EPHA6: variants seen among roughly 807,000 people sequenced by gnomAD.
The protein encoded by EPHA6 is ephrin type-A receptor 6.
In EPHA6, 50 loss-of-function variants were observed where a neutral mutation model predicts 112.0. The ratio of observed to expected loss-of-function variants is 0.45; its 90% CI spans 0.36 to 0.56. EPHA6 has a LOEUF of 0.56. EPHA6 is among the 20% of genes least tolerant of loss of function. The pLI is 0.00. For synonymous variants in EPHA6, 529 were observed against 490.7 expected (o/e 1.08, Z -1.03); for missense variants, 1,280 against 1,417.4 (o/e 0.90, Z 1.56).
intron 5 of EPHA6, among the ~76,000 whole-genome samples, chr3:97,325,657 T>C (rs1440501465): frequency 6.6e-6 from 1 of 152,090 alleles, no homozygotes; most frequent in African/African-American, 2.4e-5. Context: ...GTGATGGTAT[T>C]TCTCTCACTT....
chr3:97,520,146 C>G (rs1314188466), intron 10 of EPHA6, among the ~76,000 whole-genome samples: 1 of 151,664 alleles, frequency 6.6e-6, no homozygotes, highest in Admixed American at 6.6e-5. Context: ...GTTGTGTGTT[C>G]TTAGTAGAGA....
intron 3 of EPHA6, among the ~76,000 whole-genome samples, chr3:97,035,602 C>A (rs1180331847): frequency 6.6e-6 from 1 of 151,828 alleles, no homozygotes; most frequent in Non-Finnish European, 1.5e-5. Flanking sequence ...GCCTTCAACA[C>A]TATAGGATTT....
rs551545103 is a variant in EPHA6, at chr3:97,474,014, AT to A, written c.1895-1331del. Among the ~76,000 whole-genome samples, 148 of 151,928 alleles carry A rather than the reference AT, an allele frequency of 9.7e-4. 2 individuals are homozygous for A. The Middle Eastern group carries it at 0.027, about 28-fold the overall frequency. Reference sequence around the variant, plus strand: ...CTCTTTTGTTTTTATTTACATTCAGATTTTTTTAAAAGTCTCTAAAGTGCTG... The same window carrying A: ...CTCTTTTGTTTTTATTTACATTCAGATTTTTTAAAAGTCTCTAAAGTGCTG... On this transcript the variant is annotated intron_variant, in intron 7 of 17. Coordinates refer to ENST00000389672, the MANE Select transcript of EPHA6 (RefSeq NM_001080448.3).
At chr3:97,436,008 GTATT>G (rs1214255503) in intron 6 of EPHA6, among the ~76,000 whole-genome samples, 3 of 152,132 alleles carry the variant, frequency 2.0e-5, no homozygotes, top group African/African-American at 7.2e-5. Flanking sequence ...TTATTACAAT[GTATT>G]TATTAGTATT....
At chr3:97,443,264 C>A (rs1197388088) in intron 6 of EPHA6, among the ~76,000 whole-genome samples, 3 of 150,626 alleles carry the variant, frequency 2.0e-5, no homozygotes, top group African/African-American at 7.4e-5. Flanking sequence ...CCATTAATAT[C>A]CTTTTTTATA....
chr3:97,699,327 A>G (rs1275353995), intron 14 of EPHA6, among the ~76,000 whole-genome samples: 2 of 152,248 alleles, frequency 1.3e-5, no homozygotes, highest in Admixed American at 6.5e-5. Flanking sequence ...TGTTCAGCAG[A>G]GACACTAATA....
At chr3:97,081,396 C>T (rs1470520766) in intron 3 of EPHA6, among the ~76,000 whole-genome samples, 1 of 151,860 alleles carries the variant, frequency 6.6e-6, no homozygotes, top group Non-Finnish European at 1.5e-5. Flanking sequence ...TTCAAAGAAA[C>T]ATTTTTTAAG....
chr3:97,266,732 C>T (rs2079698105), intron 5 of EPHA6, among the ~76,000 whole-genome samples: 4 of 151,974 alleles, frequency 2.6e-5, no homozygotes, highest in Admixed American at 2.6e-4. Context: ...TTTTTGTAAC[C>T]TTGTCTTGAT....
At chr3:96,903,804 A>G (rs1322665731) in intron 2 of EPHA6, among the ~76,000 whole-genome samples, 1 of 152,200 alleles carries the variant, frequency 6.6e-6, no homozygotes, top group African/African-American at 2.4e-5. Flanking sequence ...AAGGAAATGA[A>G]TAGACACTTC....
In EPHA6 at chr3:97,418,155, GA is replaced by G. The variant is rs945383390; in HGVS notation, c.1731+12887del. Among the ~76,000 whole-genome samples, 9 of 150,946 alleles carry G rather than the reference GA, an allele frequency of 6.0e-5. 1 individual carries two copies. Among genetic ancestry groups the G allele is most frequent in the Admixed American group, 4.0e-4 (6 of 15,148 alleles). On this transcript the variant is annotated intron_variant, in intron 6 of 17. Transcript: ENST00000389672. ...TATAAAATTAAATATATAATTATAA[GA>G]AAAAACTCAATAAATAGATACACAG... is the stretch of plus-strand genomic sequence containing the variant.
At chr3:97,527,115 T>C (rs1469938128) in intron 10 of EPHA6, among the ~76,000 whole-genome samples, 2 of 152,162 alleles carry the variant, frequency 1.3e-5, no homozygotes, top group Non-Finnish European at 2.9e-5. Context: ...ACAAAACTGA[T>C]GGCAAGAAGC....
intron 10 of EPHA6, among the ~76,000 whole-genome samples, chr3:97,506,912 AT>A (rs2092264665): frequency 6.6e-6 from 1 of 151,930 alleles, no homozygotes; most frequent in Non-Finnish European, 1.5e-5. Context: ...ATTCCTAGGT[AT>A]TTTATTCCCT....
intron 2 of EPHA6, among the ~76,000 whole-genome samples, chr3:96,916,697 T>C (rs1404897327): frequency 6.6e-6 from 1 of 152,086 alleles, no homozygotes; most frequent in African/African-American, 2.4e-5. Flanking sequence ...GGGCCTAATA[T>C]CATAGATTAC....
chr3:97,131,145 C>T (rs1559747140), intron 3 of EPHA6, among the ~76,000 whole-genome samples: 1 of 151,946 alleles, frequency 6.6e-6, no homozygotes. Flanking sequence ...TAAATTAATT[C>T]CACAAGTGCA....
At chr3:97,513,988 A>G (rs1432639236) in intron 10 of EPHA6, among the ~76,000 whole-genome samples, 1 of 152,158 alleles carries the variant, frequency 6.6e-6, no homozygotes, top group East Asian at 1.9e-4. Flanking sequence ...GCTTAAAAGA[A>G]TGATATAATT....
chr3:97,014,010 C>G (rs563658400), intron 3 of EPHA6, among the ~76,000 whole-genome samples: 7 of 152,142 alleles, frequency 4.6e-5, no homozygotes. Flanking sequence ...CTTTAAAGAA[C>G]TGAATTTATG....
chr3:97,697,683 G>A (rs1559610230), intron 14 of EPHA6, among the ~76,000 whole-genome samples: 1 of 152,172 alleles, frequency 6.6e-6, no homozygotes, highest in African/African-American at 2.4e-5. Context: ...GTTCAATTTG[G>A]CTTGGAGGTG....
At chr3:96,821,231 A>G (rs1261491131) in intron 1 of EPHA6, among the ~76,000 whole-genome samples, 1 of 151,952 alleles carries the variant, frequency 6.6e-6, no homozygotes, top group Non-Finnish European at 1.5e-5. Context: ...CTACTACATG[A>G]AAATAATTAT....
chr3:97,274,130 TTATGA>T (rs1465843013), intron 5 of EPHA6, among the ~76,000 whole-genome samples: 1 of 151,980 alleles, frequency 6.6e-6, no homozygotes, highest in Non-Finnish European at 1.5e-5. Flanking sequence ...ATGGAAGAGG[TTATGA>T]AATGATGACA....
Sources: allele counts gnomAD v4.1 joint callset (sites outside exome capture counted in the v4.1 genomes callset), GRCh38; gene constraint gnomAD v4.1.1; transcripts MANE v1.5; gene names NCBI Gene and HGNC (gene_info 2026-07-23, HGNC 2026-07-21).